The following PPIL2 variants were observed in gnomAD, a reference collection of about 807,000 sequenced individuals.
PPIL2 encodes peptidylprolyl isomerase like 2.
PPIL2 carries 50 observed loss-of-function variants against 75.2 expected under a neutral mutation model. The observed-to-expected ratio is 0.66, with a 90% CI of 0.53 to 0.84. The LOEUF (loss-of-function observed/expected upper bound fraction) is 0.84. PPIL2 is among the 40% of genes least tolerant of loss of function. The pLI is 0.00. For missense variants in PPIL2, 590 were observed against 685.0 expected (o/e 0.86, Z 1.55); for synonymous variants, 245 against 258.8 (o/e 0.95, Z 0.51).
Position 21,672,342 on chromosome 22 carries a change from A to G in PPIL2, c.204A>G (p.Pro68=), listed in dbSNP as rs748697581. 6 of 1,612,720 alleles carry G rather than the reference A, an allele frequency of 3.7e-6. No homozygotes were observed. The highest frequency in any genetic ancestry group is 1.7e-5 in the Admixed American group (1 of 60,020). Residue 68 remains proline (P), a synonymous_variant, in exon 5 of 20, where the codon CCA becomes CCG. Transcript: ENST00000398831. ...GIVFDLLNIV[P]WLKKYGTNPS... is the part of the protein sequence containing the mutation. The stretch of plus-strand genomic sequence containing the variant: ...GTCTTCCCTTCAGGAACATTGTTCC[A>G]TGGCTTAAGAAGTACGGGACCAACC...
At chr22:21,695,337 C>CCT in intron 19 of PPIL2, 57 bp from the exon 20 acceptor site, 1 of 1,543,274 alleles carries the variant, frequency 6.5e-7, no homozygotes, top group Non-Finnish European at 8.8e-7. Flanking sequence ...GAGACACAGA[C>CCT]AAGTCAGGAG....
At chr22:21,668,879 T>C (rs1000623611) in intron 1 of PPIL2, among the ~76,000 whole-genome samples, 2 of 151,482 alleles carry the variant, frequency 1.3e-5, no homozygotes, top group Non-Finnish European at 2.9e-5. Flanking sequence ...GCCCGGCTAA[T>C]TTTTTGTATT....
Position 21,688,117 on chromosome 22 carries a change from G to A in PPIL2, c.1021+11G>A. Reference sequence around the variant, plus strand: ...CAGGCACAGGCACGGGTAGGTACTGGTGCTGGGCCCCTCTCTGGGCACTTT... The same window carrying A: ...CAGGCACAGGCACGGGTAGGTACTGATGCTGGGCCCCTCTCTGGGCACTTT... On this transcript the variant is annotated intron_variant, in intron 14 of 19. Transcript: ENST00000398831. The A allele has an allele frequency of 6.2e-7, 1 of 1,614,182 alleles. No homozygotes were observed. Among genetic ancestry groups the A allele is most frequent in the Non-Finnish European group, 8.5e-7 (1 of 1,180,034 alleles).
chr22:21,680,398 A>G (rs941632025), intron 6 of PPIL2, among the ~76,000 whole-genome samples: 7 of 152,156 alleles, frequency 4.6e-5, no homozygotes, highest in Non-Finnish European at 8.8e-5. Context: ...ATGGTGACGC[A>G]TGCATGCCTG....
rs114332586 is a variant in PPIL2, at chr22:21,673,329, C to T, written c.243+948C>T. 4.2e-3 allele frequency among the ~76,000 whole-genome samples: 647 copies of T among 152,282 alleles called. 6 individuals carry two copies. Among genetic ancestry groups the T allele is most frequent in the African/African-American group, 0.015 (613 of 41,558 alleles). Reference sequence around the variant, plus strand: ...TCTGTTGCTCTTCTCAGCAGAGGTCCCTGCTGCCTGCCTGTGCCCTGTGTG... The same window carrying T: ...TCTGTTGCTCTTCTCAGCAGAGGTCTCTGCTGCCTGCCTGTGCCCTGTGTG... On this transcript the variant is annotated intron_variant, in intron 5 of 19. Transcript: ENST00000398831.
rs912339301 is a variant in PPIL2, at chr22:21,692,385, A to G, written c.1140-1431A>G. ...TAGCGAGGATGGTCTCGATCTCCTGACCTTGTGATCCGCCCACCTTGGCCT... is the reference window on the plus strand; with the variant it reads ...TAGCGAGGATGGTCTCGATCTCCTGGCCTTGTGATCCGCCCACCTTGGCCT... On this transcript the variant is annotated intron_variant, in intron 15 of 19. Coordinates refer to ENST00000398831, the MANE Select transcript of PPIL2 (RefSeq NM_014337.4). Among the ~76,000 whole-genome samples the G allele has an allele frequency of 1.6e-3, 246 of 150,920 alleles. 2 individuals are homozygous for G. The highest frequency in any genetic ancestry group is 4.0e-3 in the Admixed American group (60 of 15,134).
In PPIL2 at chr22:21,686,089, G is replaced by T. The variant is rs552535209; in HGVS notation, c.715-394G>T. Among the ~76,000 whole-genome samples the T allele has an allele frequency of 7.2e-4, 109 of 152,230 alleles. 1 individual carries two copies. The highest frequency in any genetic ancestry group is 3.4e-3 in the Middle Eastern group (1 of 294). On this transcript the variant is annotated intron_variant, in intron 10 of 19. Transcript: ENST00000398831. ...AGGTCGGAGGGTCACTTGAGCCCAG[G>T]AGTTGGAGGCTGCAGTGCACCAGGA...
intron 4 of PPIL2, among the ~76,000 whole-genome samples, chr22:21,672,074 T>C (rs907071474): frequency 2.6e-5 from 4 of 152,312 alleles, no homozygotes; most frequent in African/African-American, 9.6e-5. Flanking sequence ...CCAAACCATT[T>C]ACTTACTCAT....
chr22:21,685,556 C>G (rs1365808927), intron 10 of PPIL2: 1 of 387,640 alleles, frequency 2.6e-6, no homozygotes, highest in African/African-American at 2.2e-5. Flanking sequence ...AAAAAGAAAG[C>G]TTGTTGTCCA....
At chr22:21,673,518 CTT>C (rs1188710186) in intron 5 of PPIL2, 1 of 152,306 alleles carries the variant, frequency 6.6e-6, no homozygotes, top group African/African-American at 2.4e-5. Flanking sequence ...CACAGGTACT[CTT>C]TGGGGTTCCC....
At chr22:21,681,446 T>C (rs2148533945) in intron 7 of PPIL2, 56 bp downstream of exon 7, 2 of 1,471,644 alleles carry the variant, frequency 1.4e-6, no homozygotes, top group East Asian at 4.5e-5. Flanking sequence ...TGCTGTGTGT[T>C]CCTAGTATAC....
intron 4 of PPIL2, 72 bp from the exon 5 acceptor site, chr22:21,672,258 C>A: frequency 7.2e-7 from 1 of 1,385,274 alleles, no homozygotes; most frequent in Non-Finnish European, 1.0e-6. Flanking sequence ...AGCAGCCCTG[C>A]AAGACCACAG....
rs753245291 is a variant in PPIL2 at position 21,696,852 on chromosome 22, T to C, written c.*1362T>C. The C allele has an allele frequency of 1.1e-5, 18 of 1,578,312 alleles. No homozygotes were observed. Among genetic ancestry groups the C allele is most frequent in the Non-Finnish European group, 1.7e-6 (2 of 1,162,774 alleles). ...CCTGGATGCTGGGTGGCGCCTCATC[T>C]GCATCTCTGCCTCACCCCATCCACT... On this transcript the variant is annotated 3_prime_UTR_variant, in exon 20 of 20. Transcript: ENST00000398831.
At chr22:21,676,309 T>TTTTGTG (rs71318714) in intron 6 of PPIL2, among the ~76,000 whole-genome samples, 11 of 123,018 alleles carry the variant, frequency 8.9e-5, no homozygotes, top group African/African-American at 3.2e-4. Context: ...TTTATTTATT[T>TTTTGTG]TGTGTGTGTG....
chr22:21,681,444 G>A, intron 7 of PPIL2, 54 bp downstream of exon 7: 1 of 1,475,088 alleles, frequency 6.8e-7, no homozygotes, highest in Non-Finnish European at 9.5e-7. Context: ...TCTGCTGTGT[G>A]TTCCTAGTAT....
chr22:21,694,840 C>G, intron 18 of PPIL2, 23 bp downstream of exon 18: 1 of 1,592,728 alleles, frequency 6.3e-7, no homozygotes, highest in Non-Finnish European at 8.6e-7. Context: ...GATGCCACCA[C>G]CTAGGAGGGT....
intron 19 of PPIL2, 66 bp from the exon 20 acceptor site, chr22:21,695,314 GGAGGGCTGTATGGA>G (rs2067873785): frequency 6.7e-7 from 1 of 1,489,620 alleles, no homozygotes; most frequent in African/African-American, 1.4e-5. Context: ...GCCTACACCG[GGAGGGCTGTATGGA>G]GACACAGACA....
intron 6 of PPIL2, among the ~76,000 whole-genome samples, chr22:21,679,828 C>G (rs575570496): frequency 2.3e-4 from 35 of 151,782 alleles, no homozygotes; most frequent in South Asian, 6.3e-4. Flanking sequence ...TGGCTCACGC[C>G]TGTAATCCCA....
chr22:21,672,960 G>T (rs372306501), intron 5 of PPIL2, among the ~76,000 whole-genome samples: 9 of 152,330 alleles, frequency 5.9e-5, no homozygotes, highest in South Asian at 2.1e-4. Flanking sequence ...CAGCCCATCT[G>T]TCTCAGCTCT....
Sources: allele counts gnomAD v4.1 joint callset (sites outside exome capture counted in the v4.1 genomes callset), GRCh38; gene constraint gnomAD v4.1.1; transcripts MANE v1.5; gene names NCBI Gene and HGNC (gene_info 2026-07-23, HGNC 2026-07-21).